The following COX4I2 variants were observed in gnomAD, a reference collection of about 807,000 sequenced individuals.
COX4I2 encodes the protein cytochrome c oxidase subunit 4I2.
COX4I2 carries 15 observed loss-of-function variants against 20.8 expected under a neutral mutation model. The ratio of observed to expected loss-of-function variants is 0.72; its 90% CI spans 0.48 to 1.11. COX4I2 has a LOEUF of 1.11. Ranked by LOEUF, COX4I2 falls within the 50% of genes most tolerant of loss-of-function variation. The probability of loss-of-function intolerance (pLI) is 0.00; values close to 1 mark genes in which losing one functional copy is unlikely to be tolerated. For synonymous variants in COX4I2, 80 were observed against 78.1 expected (o/e 1.02, Z -0.13); for missense variants, 224 against 223.0 (o/e 1.00, Z -0.03).
intron 2 of COX4I2, among the ~76,000 whole-genome samples, 155 bp from the exon 3 acceptor site, chr20:31,639,778 G>A (rs1328011904): frequency 6.6e-6 from 1 of 151,792 alleles, no homozygotes; most frequent in East Asian, 1.9e-4. Context: ...GGCTGGTCTC[G>A]AACTCCTGAC....
chr20:31,640,136 G>A, intron 3 of COX4I2, 39 bp downstream of exon 3: 1 of 1,569,274 alleles, frequency 6.4e-7, no homozygotes, highest in Non-Finnish European at 8.6e-7. Flanking sequence ...AGAGTGGGTT[G>A]GGGGCTGACT....
chr20:31,643,252 C>T (rs867755119), intron 3 of COX4I2, 152 bp from the exon 4 acceptor site: 2 of 910,732 alleles, frequency 2.2e-6, no homozygotes, highest in South Asian at 1.3e-5. Flanking sequence ...GGCTCATTCA[C>T]TGCTGTCACC....
Position 31,644,962 on chromosome 20 carries a change from C to G in COX4I2, c.*58C>G, listed in dbSNP as rs993909943. The G allele has an allele frequency of 1.3e-6, 2 of 1,586,504 alleles. No homozygotes were observed. The highest frequency in any genetic ancestry group is 1.7e-6 in the Non-Finnish European group (2 of 1,164,514). On this transcript the variant is annotated 3_prime_UTR_variant, in exon 5 of 5. Coordinates refer to ENST00000376075, the MANE Select transcript of COX4I2 (RefSeq NM_032609.3). ...CCCTGGCTGGGAGCCTCTGGCGGCC[C>G]CTCCCCTCCCCTGCCCTTAACCCCA...
intron 3 of COX4I2, among the ~76,000 whole-genome samples, chr20:31,642,214 A>C (rs957836024): frequency 6.6e-6 from 1 of 152,078 alleles, no homozygotes; most frequent in Non-Finnish European, 1.5e-5. Context: ...ACTGGAGTGC[A>C]TGGCCTGTGT....
In COX4I2 at chr20:31,640,073, C is replaced by T. The variant is rs773897912; in HGVS notation, c.223C>T (p.Leu75=). The change falls in exon 3 of 5, where the codon CTG becomes TTG. Residue 75 remains leucine, a synonymous_variant. Coordinates refer to ENST00000376075, the MANE Select transcript of COX4I2 (RefSeq NM_032609.3). The stretch of plus-strand genomic sequence containing the variant: ...GAAGGAGAAGGGAAGCTGGACCCAG[C>T]TGACCCACGCCGAAAAGGTGGCCTG... ...KEKEKGSWTQ[L]THAEKVALYR... 28 of 1,612,202 alleles carry T rather than the reference C, an allele frequency of 1.7e-5. No homozygotes were observed. The highest frequency in any genetic ancestry group is 2.4e-5 in the Non-Finnish European group (28 of 1,179,906).
chr20:31,639,954 C>G lies in COX4I2; in HGVS notation c.104C>G (p.Ser35Cys). The G allele has an allele frequency of 6.2e-7, 1 of 1,614,078 alleles. No homozygotes were observed. Among genetic ancestry groups the G allele is most frequent in the Non-Finnish European group, 8.5e-7 (1 of 1,180,014 alleles). ...GCAGCCCGTGGTGGGGGGAAGATGT[C>G]CCCCTACACCAACTGCTATGCCCAG... ...EGTTRGGGKM[S>C]PYTNCYAQRY... The change falls in exon 3 of 5, where the codon TCC becomes TGC. Residue 35 changes from serine to cysteine, a missense_variant. Transcript: ENST00000376075.
rs761813213 is a variant in COX4I2 at position 31,644,915 on chromosome 20, C to G, written c.*11C>G. The G allele has an allele frequency of 6.2e-7, 1 of 1,612,852 alleles. No homozygotes were observed. The highest frequency in any genetic ancestry group is 8.5e-7 in the Non-Finnish European group (1 of 1,179,482). On this transcript the variant is annotated 3_prime_UTR_variant, in exon 5 of 5. Transcript: ENST00000376075. ...CAGTGGAAGAAGTGACTTGCATCCCCAGCTGTCTCCCTGAGGCTCCGCCCT... is the reference window on the plus strand; with the variant it reads ...CAGTGGAAGAAGTGACTTGCATCCCGAGCTGTCTCCCTGAGGCTCCGCCCT...
chr20:31,640,253 T>C (rs1046987335), intron 3 of COX4I2, among the ~76,000 whole-genome samples, 156 bp downstream of exon 3: 4 of 152,140 alleles, frequency 2.6e-5, no homozygotes, highest in African/African-American at 9.7e-5. Flanking sequence ...GTTCGTTTCT[T>C]TATTCACTCA....
At chr20:31,638,842 C>T (rs1473343724) in intron 1 of COX4I2, among the ~76,000 whole-genome samples, 176 bp from the exon 2 acceptor site, 2 of 152,292 alleles carry the variant, frequency 1.3e-5, no homozygotes, top group South Asian at 2.1e-4. Context: ...CCATTGGCCC[C>T]CCGCTGGGGA....
In COX4I2 at chr20:31,640,022, A is replaced by T; in HGVS notation, c.172A>T (p.Asn58Tyr). 1 of 1,614,010 alleles carries T rather than the reference A, an allele frequency of 6.2e-7. No homozygotes were observed. Among genetic ancestry groups the T allele is most frequent in the East Asian group, 2.2e-5 (1 of 44,872 alleles). ...AGAAGAGCCCTTCTGCACAGAACTC[A>T]ACGCTGAGGAGCAGGCCCTGAAGGA... The part of the protein sequence containing the change: ...MPEEPFCTEL[N>Y]AEEQALKEKE... The change falls in exon 3 of 5, where the codon AAC becomes TAC. Residue 58 changes from asparagine to tyrosine, a missense_variant. Physicochemically the swap from Asn to Tyr is moderately radical, Grantham distance 143 (BLOSUM62 -2). Coordinates refer to ENST00000376075, the MANE Select transcript of COX4I2 (RefSeq NM_032609.3).
At chr20:31,639,154 C>A in intron 2 of COX4I2, 55 bp downstream of exon 2, 1 of 1,561,232 alleles carries the variant, frequency 6.4e-7, no homozygotes. Context: ...GGCAGGGGTC[C>A]CCTCTGCAGG....
At chr20:31,640,741 C>G (rs974054882) in intron 3 of COX4I2, among the ~76,000 whole-genome samples, 4 of 152,136 alleles carry the variant, frequency 2.6e-5, no homozygotes, top group African/African-American at 9.7e-5. Context: ...AATGGGAACA[C>G]TCAGCCTGAC....
chr20:31,639,715 G>A (rs1387204256), intron 2 of COX4I2, among the ~76,000 whole-genome samples: 1 of 151,796 alleles, frequency 6.6e-6, no homozygotes, highest in African/African-American at 2.4e-5. Flanking sequence ...CCACCACTGC[G>A]CCCGGCTAAT....
chr20:31,638,557 C>T (rs1458530468), intron 1 of COX4I2, among the ~76,000 whole-genome samples: 1 of 151,880 alleles, frequency 6.6e-6, no homozygotes, highest in Non-Finnish European at 1.5e-5. Flanking sequence ...GGGGCCAGAC[C>T]GTCTGTCTGT....
intron 1 of COX4I2, among the ~76,000 whole-genome samples, chr20:31,638,562 G>C (rs2060449331): frequency 6.6e-6 from 1 of 152,004 alleles, no homozygotes; most frequent in African/African-American, 2.4e-5. Flanking sequence ...CAGACCGTCT[G>C]TCTGTTCTGC....
intron 3 of COX4I2, among the ~76,000 whole-genome samples, chr20:31,641,712 T>A (rs1388237558): frequency 2.0e-5 from 3 of 152,010 alleles, no homozygotes; most frequent in African/African-American, 7.2e-5. Context: ...TTTTTTTTTT[T>A]CCTTTTCTTT....
rs1348738243 is a variant in COX4I2 at position 31,644,750 on chromosome 20, C to T, written c.380-18C>T. 15 of 1,613,650 alleles carry T rather than the reference C, an allele frequency of 9.3e-6. No homozygotes were observed. Among genetic ancestry groups the T allele is most frequent in the Non-Finnish European group, 1.2e-5 (14 of 1,179,830 alleles). ...GAAGACTGGCAGGATCCTGATCCAC[C>T]CCATGTACTCCCTGCAGTATTTCCT... On this transcript the variant is annotated intron_variant, in intron 4 of 4. Coordinates refer to ENST00000376075, the MANE Select transcript of COX4I2 (RefSeq NM_032609.3).
At position 31,638,961 on chromosome 20, in the gene COX4I2, G is replaced by C. The variant is rs6088857; in HGVS notation, c.1-57G>C. ...AAGGATTTTTCCATCTGGCCCTGCGGTTTGGGGGCAGAGGGTGATGTGGGG... is the reference window on the plus strand; with the variant it reads ...AAGGATTTTTCCATCTGGCCCTGCGCTTTGGGGGCAGAGGGTGATGTGGGG... On this transcript the variant is annotated intron_variant, in intron 1 of 4. Transcript: ENST00000376075. The C allele has an allele frequency of 0.2, 312,712 of 1,541,092 alleles. 38,482 individuals are homozygous for C. The highest frequency in any genetic ancestry group is 0.54 in the African/African-American group (39,866 of 73,570).
In COX4I2 at chr20:31,641,241, C is replaced by G. The variant is rs139074516; in HGVS notation, c.247+1144C>G. On this transcript the variant is annotated intron_variant, in intron 3 of 4. Coordinates refer to ENST00000376075, the MANE Select transcript of COX4I2 (RefSeq NM_032609.3). ...AGCATGGTGGCACATGCCTGTCGTC[C>G]CAGCTATTTGGGAGGCTGAGGCAGG... Among the ~76,000 whole-genome samples the G allele has an allele frequency of 4.7e-3, 716 of 151,848 alleles. 10 individuals are homozygous for G. Among genetic ancestry groups the G allele is most frequent in the African/African-American group, 0.016 (663 of 41,394 alleles).
Sources: allele counts gnomAD v4.1 joint callset (sites outside exome capture counted in the v4.1 genomes callset), GRCh38; gene constraint gnomAD v4.1.1; transcripts MANE v1.5; gene names NCBI Gene and HGNC (gene_info 2026-07-23, HGNC 2026-07-21).